The following DGKH variants were observed in gnomAD, a reference collection of about 807,000 sequenced individuals.
The protein encoded by DGKH is diacylglycerol kinase eta.
DGKH carries 90 observed loss-of-function variants against 159.3 expected under a neutral mutation model. The ratio of observed to expected loss-of-function variants is 0.57; its 90% CI spans 0.48 to 0.67. The LOEUF (loss-of-function observed/expected upper bound fraction) is 0.67. Among genes scored for constraint, DGKH ranks in the 30% least tolerant of loss-of-function variants. The pLI is 0.00. For missense variants in DGKH, 1,181 were observed against 1,506.1 expected, an observed-to-expected ratio of 0.78 and a Z score of 3.57; for synonymous variants, 536 against 553.8, an observed-to-expected ratio of 0.97 and a Z score of 0.45.
chr13:42,117,958 C>A (rs1954994222), intron 1 of DGKH, among the ~76,000 whole-genome samples: 1 of 152,144 alleles, frequency 6.6e-6, no homozygotes, highest in Non-Finnish European at 1.5e-5. Context: ...TGGCTCACAC[C>A]TGTAATCCCA....
Position 42,199,921 on chromosome 13 carries a change from TTAAAG to T in DGKH, c.2493+18_2493+22del, listed in dbSNP as rs755147006. 13 of 1,588,074 alleles carry T rather than the reference TTAAAG, an allele frequency of 8.2e-6. No individual in the cohort carries two copies. Among genetic ancestry groups the T allele is most frequent in the South Asian group, 1.2e-5 (1 of 85,830 alleles). On this transcript the variant is annotated intron_variant, in intron 20 of 29. Transcript: ENST00000337343. ...GGGTTCAACTTGAGGTAAGTTCATC[TTAAAG>T]TAAAGATATTTCATATTATCTTACT...
chr13:42,167,106 TCA>T (rs1300479994), intron 9 of DGKH, among the ~76,000 whole-genome samples: 1 of 151,970 alleles, frequency 6.6e-6, no homozygotes, highest in Non-Finnish European at 1.5e-5. Context: ...CAGACTCAGT[TCA>T]CATAAATGAC....
intron 7 of DGKH, among the ~76,000 whole-genome samples, chr13:42,160,869 A>G (rs146369100): frequency 7.8e-4 from 119 of 152,286 alleles, no homozygotes; most frequent in African/African-American, 2.8e-3. Flanking sequence ...TTTGGTATGT[A>G]TGGTGTAGAT....
At position 42,143,893 on chromosome 13, in the gene DGKH, A is replaced by G. The variant is rs796200629; in HGVS notation, c.385-11398A>G. ...TTTTTGAAGGGTTTTTTGTGTCTCT[A>G]TTTCCTTTAGTTCTGCTCTGATCTT... On this transcript the variant is annotated intron_variant, in intron 3 of 29. Transcript: ENST00000337343. Among the ~76,000 whole-genome samples the G allele has an allele frequency of 1.3e-5, 2 of 152,020 alleles. 1 individual carries two copies. The highest frequency in any genetic ancestry group is 4.1e-4 in the South Asian group (2 of 4,822).
At chr13:42,092,575 T>C (rs1954440895) in intron 1 of DGKH, among the ~76,000 whole-genome samples, 1 of 152,002 alleles carries the variant, frequency 6.6e-6, no homozygotes, top group Admixed American at 6.6e-5. Context: ...AGTGGAATGG[T>C]GGTTACTAGA....
At chr13:42,074,648 GTCCATCCATCCATCCATCCA>G (rs10589269) in intron 1 of DGKH, among the ~76,000 whole-genome samples, 6 of 148,944 alleles carry the variant, frequency 4.0e-5, no homozygotes, top group African/African-American at 1.2e-4. Flanking sequence ...GTATCTATCC[GTCCATCCATCCATCCATCCA>G]TCCATCCATC....
At chr13:42,198,650 T>A in intron 18 of DGKH, 55 bp downstream of exon 18, 1 of 1,425,284 alleles carries the variant, frequency 7.0e-7, no homozygotes, top group Non-Finnish European at 9.7e-7. Flanking sequence ...TTTTTTTTTT[T>A]TTCAACATGA....
chr13:42,071,897 A>C (rs1883000362), intron 1 of DGKH, among the ~76,000 whole-genome samples: 1 of 152,204 alleles, frequency 6.6e-6, no homozygotes, highest in African/African-American at 2.4e-5. Flanking sequence ...TTTAATTTAA[A>C]AGGAACAACC....
intron 13 of DGKH, among the ~76,000 whole-genome samples, chr13:42,182,810 T>G (rs1228429535): frequency 6.6e-6 from 1 of 152,058 alleles, no homozygotes; most frequent in Non-Finnish European, 1.5e-5. Flanking sequence ...TTAATAATAA[T>G]TCTCTAACAC....
At chr13:42,151,587 A>G (rs1282713914) in intron 3 of DGKH, among the ~76,000 whole-genome samples, 2 of 89,126 alleles carry the variant, frequency 2.2e-5, no homozygotes, top group Non-Finnish European at 5.5e-5. Flanking sequence ...ATACACACAC[A>G]CACACACACA....
chr13:42,174,711 T>G (rs1465273595), intron 12 of DGKH, among the ~76,000 whole-genome samples: 2 of 152,192 alleles, frequency 1.3e-5, no homozygotes, highest in East Asian at 1.9e-4. Context: ...TTCTTGTTCT[T>G]TTCTTTTTGA....
At chr13:42,135,935 T>C (rs1398533319) in intron 3 of DGKH, among the ~76,000 whole-genome samples, 1 of 152,206 alleles carries the variant, frequency 6.6e-6, no homozygotes, top group Non-Finnish European at 1.5e-5. Context: ...AGATTTGTTT[T>C]TATTTACCCA....
chr13:42,211,495 C>T (rs1428711147), intron 24 of DGKH, among the ~76,000 whole-genome samples: 1 of 152,046 alleles, frequency 6.6e-6, no homozygotes, highest in Admixed American at 6.6e-5. Flanking sequence ...GTCAGGAGTT[C>T]GAGACCAGCC....
chr13:42,055,983 C>CTTAA (rs1411732275), intron 1 of DGKH, among the ~76,000 whole-genome samples: 1 of 152,190 alleles, frequency 6.6e-6, no homozygotes, highest in African/African-American at 2.4e-5. Flanking sequence ...GACCCCATCT[C>CTTAA]TATAAAACAT....
intron 1 of DGKH, among the ~76,000 whole-genome samples, chr13:42,109,452 A>C (rs1184600795): frequency 6.6e-6 from 1 of 152,210 alleles, no homozygotes; most frequent in African/African-American, 2.4e-5. Context: ...TTACACCACA[A>C]CGCAAAGGTG....
chr13:42,060,483 A>G (rs1882075272), intron 1 of DGKH, among the ~76,000 whole-genome samples: 2 of 152,136 alleles, frequency 1.3e-5, no homozygotes, highest in South Asian at 2.1e-4. Flanking sequence ...CAAACTGAAC[A>G]TATTTGTGCA....
At chr13:42,175,637 T>C (rs1956581990) in intron 12 of DGKH, among the ~76,000 whole-genome samples, 1 of 152,222 alleles carries the variant, frequency 6.6e-6, no homozygotes, top group Non-Finnish European at 1.5e-5. Flanking sequence ...TCTAAAGATA[T>C]GAAGGAAATC....
chr13:42,156,492 T>A (rs971827202), intron 5 of DGKH, among the ~76,000 whole-genome samples: 1 of 152,092 alleles, frequency 6.6e-6, no homozygotes, highest in Non-Finnish European at 1.5e-5. Context: ...CCTCCCACAT[T>A]GGCCTCCCAA....
chr13:42,178,099 C>A, intron 12 of DGKH, 36 bp from the exon 13 acceptor site: 1 of 1,502,254 alleles, frequency 6.7e-7, no homozygotes, highest in Non-Finnish European at 9.1e-7. Flanking sequence ...TAAATGCCAG[C>A]AACAATAATA....
Sources: gnomAD v4.1 joint callset for allele counts (sites outside exome capture counted in the v4.1 genomes callset) on GRCh38, gnomAD v4.1.1 for gene constraint, MANE v1.5 for transcripts, NCBI Gene and HGNC (gene_info 2026-07-23, HGNC 2026-07-21) for gene names.